Variants in FRMPD3 observed in about 807,000 individuals in gnomAD.
FRMPD3 encodes the protein FERM and PDZ domain containing 3, also known as FERM and PDZ domain-containing protein 3.
Under a neutral mutation model 97.9 loss-of-function variants are expected in FRMPD3, and 42 were observed. The ratio of observed to expected loss-of-function variants is 0.43; its 90% confidence interval spans 0.34 to 0.55. FRMPD3 has a LOEUF of 0.55. FRMPD3 is among the 20% of genes least tolerant of loss of function. FRMPD3 has a pLI of 0.03. For synonymous variants in FRMPD3, 577 were observed against 581.1 expected (o/e 0.99, Z 0.10); for missense variants, 1,303 against 1,457.7 (o/e 0.89, Z 1.73).
intron 1 of FRMPD3, among the ~76,000 whole-genome samples, chrX:107,518,776 G>A (rs1922419516): frequency 8.9e-6 from 1 of 112,033 alleles, no homozygotes; most frequent in Non-Finnish European, 1.9e-5. Context: ...ACAGATATTT[G>A]TACACCCGTG....
chrX:107,483,997 C>G (rs866586802), intron 1 of FRMPD3, among the ~76,000 whole-genome samples: 32 of 112,039 alleles, frequency 2.9e-4, no homozygotes, highest in African/African-American at 9.1e-4. Context: ...CCACCAGACA[C>G]TCACTCACCC....
At chrX:107,510,402 C>T (rs1211983679) in intron 1 of FRMPD3, among the ~76,000 whole-genome samples, 2 of 111,087 alleles carry the variant, frequency 1.8e-5, no homozygotes, top group Admixed American at 9.6e-5. Context: ...CAATCTTCTT[C>T]CCCACCCACT....
intron 14 of FRMPD3, 133 bp from the exon 15 acceptor site, chrX:107,600,170 T>G: frequency 1.2e-6 from 1 of 804,958 alleles, no homozygotes; most frequent in Non-Finnish European, 1.7e-6. Flanking sequence ...ATCAGGGACT[T>G]GAGCATCTGC....
At chrX:107,572,687 G>A (rs935472805) in intron 12 of FRMPD3, among the ~76,000 whole-genome samples, 3 of 109,954 alleles carry the variant, frequency 2.7e-5, no homozygotes, top group African/African-American at 9.9e-5. Context: ...GCAGTGAGCC[G>A]AGATTCTGCC....
chrX:107,494,780 G>A (rs1921736338), intron 1 of FRMPD3, among the ~76,000 whole-genome samples: 1 of 111,905 alleles, frequency 8.9e-6, no homozygotes, highest in South Asian at 3.8e-4. Flanking sequence ...CTAATAAGTA[G>A]TGGAAACTGG....
intron 1 of FRMPD3, among the ~76,000 whole-genome samples, chrX:107,461,268 C>G (rs190268608): frequency 0.04 from 4,485 of 111,426 alleles, 198 homozygotes; most frequent in African/African-American, 0.14. Flanking sequence ...CATCTAGAAG[C>G]AAACTCAGGA....
intron 1 of FRMPD3, among the ~76,000 whole-genome samples, chrX:107,450,682 C>G (rs1931272088): frequency 9.1e-6 from 1 of 109,555 alleles, no homozygotes; most frequent in Non-Finnish European, 1.9e-5. Context: ...TATACAGATA[C>G]ATGCACCTCC....
rs772830289 is a variant in FRMPD3, at chrX:107,597,963, G to A, written c.2084G>A (p.Arg695His). ...RRAVQSQEQG[R>H]HLRGLLYDEI... ...GCTGTCCAGAGCCAGGAACAAGGAC[G>A]CCACCTGCGTGGGCTTCTGTACGAT... The change falls in exon 14 of 15, where the codon CGC becomes CAC. Residue 695 changes from arginine (R) to histidine (H), a missense_variant. By Grantham distance (29) the Arg-to-His change is conservative (BLOSUM62 0). Transcript: ENST00000683843. 52 of 1,208,771 alleles carry A rather than the reference G, an allele frequency of 4.3e-5. No individual in the cohort carries two copies. Among genetic ancestry groups the A allele is most frequent in the African/African-American group, 5.3e-5 (3 of 57,044 alleles).
chrX:107,530,955 G>A (rs1303314065), intron 3 of FRMPD3, among the ~76,000 whole-genome samples: 1 of 111,084 alleles, frequency 9.0e-6, no homozygotes, highest in East Asian at 2.8e-4. Flanking sequence ...TTGAGGAAGA[G>A]AACCTCCCAA....
Position 107,597,445 on chromosome X carries a change from C to T in FRMPD3, c.1566C>T (p.Asp522=). The T allele has an allele frequency of 1.7e-6, 2 of 1,211,072 alleles. No homozygotes were observed. The highest frequency in any genetic ancestry group is 2.2e-6 in the Non-Finnish European group (2 of 895,469). Residue 522 remains aspartate, a synonymous_variant, in exon 14 of 15, where the codon GAC becomes GAT. Transcript: ENST00000683843. ...KSSRCTPPPA[D]SELVSFCYLH... is the part of the protein sequence containing the mutation. ...GCCGCTGCACGCCCCCACCTGCCGA[C>T]TCTGAGCTTGTCAGCTTCTGCTACC... is the stretch of plus-strand genomic sequence containing the variant.
At chrX:107,574,381 CT>C (rs1286073652) in intron 12 of FRMPD3, among the ~76,000 whole-genome samples, 2 of 112,013 alleles carry the variant, frequency 1.8e-5, no homozygotes, top group Non-Finnish European at 3.8e-5. Flanking sequence ...AAATAAAGTT[CT>C]GTTAGAACAC....
chrX:107,526,812 G>C (rs1265333339), intron 2 of FRMPD3, 76 bp downstream of exon 2: 1 of 986,609 alleles, frequency 1.0e-6, no homozygotes, highest in Non-Finnish European at 1.4e-6. Context: ...AAAAAGCAGA[G>C]CTTCCAAGCA....
intron 1 of FRMPD3, among the ~76,000 whole-genome samples, chrX:107,492,991 A>G (rs1261572597): frequency 3.7e-5 from 4 of 109,548 alleles, no homozygotes; most frequent in Non-Finnish European, 1.9e-5. Flanking sequence ...CAGCCTGGGA[A>G]ACATAATGAG....
chrX:107,518,502 A>G (rs1238077816), intron 1 of FRMPD3, among the ~76,000 whole-genome samples: 1 of 111,922 alleles, frequency 8.9e-6, no homozygotes, highest in Admixed American at 9.5e-5. Context: ...TGAATTCACC[A>G]ATAATGATAT....
intron 5 of FRMPD3, among the ~76,000 whole-genome samples, 176 bp from the exon 6 acceptor site, chrX:107,549,873 G>A (rs947007786): frequency 1.7e-4 from 19 of 110,869 alleles, no homozygotes; most frequent in African/African-American, 6.2e-4. Flanking sequence ...TTGTTGGGGA[G>A]TTTGGTTCTG....
In FRMPD3 at chrX:107,533,537, T is replaced by A. The variant is rs1205999865; in HGVS notation, c.284T>A (p.Leu95Gln). The change falls in exon 4 of 15, where the codon CTG becomes CAG. Residue 95 changes from leucine to glutamine, a missense_variant. Leu to Gln is a moderately radical substitution (Grantham distance 113). Coordinates refer to ENST00000683843, the MANE Select transcript of FRMPD3 (RefSeq NM_001388459.1). ...SAKEFIVLTV[L>Q]HTHQSPKSAF... ...AAGGAATTCATCGTTCTTACAGTTC[T>A]GCACACTCATCAGGTGAGTGAGCCT... The A allele has an allele frequency of 1.7e-5, 20 of 1,206,368 alleles. No individual in the cohort carries two copies. Among genetic ancestry groups the A allele is most frequent in the Non-Finnish European group, 2.1e-5 (19 of 893,170 alleles).
intron 12 of FRMPD3, among the ~76,000 whole-genome samples, chrX:107,574,705 G>C (rs1458562651): frequency 3.6e-5 from 4 of 112,375 alleles, no homozygotes; most frequent in African/African-American, 1.3e-4. Context: ...TAGTGATCAA[G>C]TTCTGTCAGG....
At chrX:107,597,178 C>T (rs1450848640) in intron 13 of FRMPD3, 143 bp from the exon 14 acceptor site, 2 of 523,855 alleles carry the variant, frequency 3.8e-6, no homozygotes, top group East Asian at 6.7e-5. Context: ...TTCCCTACCT[C>T]TAATCTTTGG....
intron 13 of FRMPD3, among the ~76,000 whole-genome samples, 175 bp downstream of exon 13, chrX:107,576,634 C>T (rs901713939): frequency 4.4e-5 from 5 of 112,423 alleles, no homozygotes; most frequent in African/African-American, 1.6e-4. Flanking sequence ...GGAAAGACAG[C>T]TGGCCTTCAC....
Sources: gnomAD v4.1 joint callset for allele counts (sites outside exome capture counted in the v4.1 genomes callset) on GRCh38, gnomAD v4.1.1 for gene constraint, MANE v1.5 for transcripts, NCBI Gene and HGNC (gene_info 2026-07-23, HGNC 2026-07-21) for gene names.